The following APOL2 variants were observed in gnomAD, a reference collection of about 807,000 sequenced individuals.
APOL2 encodes apolipoprotein L, 2.
Under a neutral mutation model 7.1 loss-of-function variants are expected in APOL2, and 8 were observed. The ratio of observed to expected loss-of-function variants is 1.12; its 90% CI spans 0.66 to 2.03. APOL2 has a LOEUF of 2.03. Among genes scored for constraint, APOL2 ranks in the 30% most tolerant of loss-of-function variants. The pLI, the probability that APOL2 is intolerant of heterozygous loss-of-function variation, is 0.00. For synonymous variants in APOL2, 177 were observed against 159.9 expected (o/e 1.11, Z -0.81); for missense variants, 471 against 415.1 (o/e 1.13, Z -1.17).
At chr22:36,230,714 G>T (rs1281934988) in intron 4 of APOL2, among the ~76,000 whole-genome samples, 1 of 152,092 alleles carries the variant, frequency 6.6e-6, no homozygotes, top group African/African-American at 2.4e-5. Context: ...ACAGAAGACA[G>T]TTCCAAGTCT....
At position 36,227,891 on chromosome 22, in the gene APOL2, C is replaced by T. The variant is rs760443911; in HGVS notation, c.527G>A (p.Arg176Gln). 1.2e-5 allele frequency: 20 copies of T among 1,614,072 alleles called. No homozygotes were observed. The highest frequency in any genetic ancestry group is 2.7e-5 in the African/African-American group (2 of 74,922). Residue 176 changes from arginine (R) to glutamine (Q), a missense_variant, in exon 5 of 5, where the codon CGG becomes CAG. Physicochemically the swap from Arg to Gln is conservative, Grantham distance 43 (BLOSUM62 1). Transcript: ENST00000358502. Reference sequence around the variant, plus strand: ...CAAGTTGCGGGCTTGGGCTCGTGCCCGCAATTTGTTTACTAGTTCTACCAC... The same window carrying T: ...CAAGTTGCGGGCTTGGGCTCGTGCCTGCAATTTGTTTACTAGTTCTACCAC... ...CSVVELVNKL[R>Q]ARAQARNLDQ...
intron 1 of APOL2, chr22:36,237,115 T>G (rs753647835): frequency 6.5e-7 from 1 of 1,533,954 alleles, no homozygotes; most frequent in Non-Finnish European, 8.8e-7. Context: ...TGGGTCATTG[T>G]TGGCCTGGCT....
At chr22:36,233,505 C>T in intron 1 of APOL2, 50 bp from the exon 2 acceptor site, 2 of 1,476,388 alleles carry the variant, frequency 1.4e-6, no homozygotes, top group Non-Finnish European at 1.8e-6. Flanking sequence ...GCCATCTGAT[C>T]ATTACAGAAA....
chr22:36,229,941 A>C (rs896789339), intron 4 of APOL2, among the ~76,000 whole-genome samples: 3 of 151,998 alleles, frequency 2.0e-5, no homozygotes, highest in Non-Finnish European at 2.9e-5. Context: ...CAGCCACCTT[A>C]CTGCCTCCTG....
chr22:36,232,789 A>G (rs1257707954), intron 3 of APOL2, among the ~76,000 whole-genome samples: 2 of 152,054 alleles, frequency 1.3e-5, no homozygotes, highest in Non-Finnish European at 2.9e-5. Flanking sequence ...ATAAGAGATC[A>G]GGGCTGCAGG....
rs1453556494 is a variant in APOL2, at chr22:36,228,047, C to A, written c.371G>T (p.Gly124Val). ...GAGGGTCAGGATGCCAGAGGTAGTGCCAACAGAGTTGGACACCACATTGGC... is the reference window on the plus strand; with the variant it reads ...GAGGGTCAGGATGCCAGAGGTAGTGACAACAGAGTTGGACACCACATTGGC... ...TIANVVSNSV[G>V]TTSGILTLLG... The change falls in exon 5 of 5, where the codon GGC (glycine) becomes GTC (valine). Residue 124 changes from glycine to valine, a missense_variant. Physicochemically the swap from Gly to Val is moderately radical, Grantham distance 109. Coordinates refer to ENST00000358502, the MANE Select transcript of APOL2 (RefSeq NM_030882.4). 1 of 1,614,096 alleles carries A rather than the reference C, an allele frequency of 6.2e-7. No individual in the cohort carries two copies. The highest frequency in any genetic ancestry group is 1.3e-5 in the African/African-American group (1 of 74,932).
rs369772809 is a variant in APOL2 at position 36,232,343 on chromosome 22, C to T, written c.10+810G>A. 1.3e-4 allele frequency among the ~76,000 whole-genome samples: 20 copies of T among 152,302 alleles called. 1 individual carries two copies. Among genetic ancestry groups the T allele is most frequent in the Non-Finnish European group, 2.5e-4 (17 of 68,028 alleles). Reference sequence around the variant, plus strand: ...TGAGGCCCTGCCTGAGGCAGTCATCCCTGGTCAGCAGGTGCTTGTGATGGG... The same window carrying T: ...TGAGGCCCTGCCTGAGGCAGTCATCTCTGGTCAGCAGGTGCTTGTGATGGG... On this transcript the variant is annotated intron_variant, in intron 3 of 4. Transcript: ENST00000358502.
upstream of APOL2, chr22:36,239,537 C>T (rs532955652): frequency 2.6e-5 from 41 of 1,577,520 alleles, 1 homozygote; most frequent in South Asian, 3.2e-4. Flanking sequence ...TAACCAGACA[C>T]GTCCTCCGGC....
intron 1 of APOL2, among the ~76,000 whole-genome samples, chr22:36,238,456 G>A (rs988675219): frequency 6.6e-6 from 1 of 151,906 alleles, no homozygotes; most frequent in Non-Finnish European, 1.5e-5. Context: ...GGCTGGGAGG[G>A]GAGGTGACTT....
rs1052072040 is a variant in APOL2, at chr22:36,228,346, G to C, written c.138-66C>G. On this transcript the variant is annotated intron_variant, in intron 4 of 4. Transcript: ENST00000358502. ...CCTATCTGTGAAATGAGCTCCATGC[G>C]ATCTCTATCCTGTGTAAATTGCAGA... is the stretch of plus-strand genomic sequence containing the variant. 2.6e-6 allele frequency: 4 copies of C among 1,536,722 alleles called. No individual in the cohort carries two copies. In the South Asian group the frequency reaches 5.1e-5, roughly 20 times the overall value.
At chr22:36,233,337 T>C in intron 2 of APOL2, 65 bp downstream of exon 2, 3 of 1,578,816 alleles carry the variant, frequency 1.9e-6, no homozygotes, top group Non-Finnish European at 2.6e-6. Context: ...CCCTCTGTGG[T>C]AGCAGCAAAT....
Position 36,228,168 on chromosome 22 carries a change from C to A in APOL2, c.250G>T (p.Glu84Ter), listed in dbSNP as rs1195150860. Reference sequence around the variant, plus strand: ...AGCTCCCTTTTCAACCGAGGAAACTCTTTCAAAAACCACTGCCTGTGCTGC... The same window carrying A: ...AGCTCCCTTTTCAACCGAGGAAACTATTTCAAAAACCACTGCCTGTGCTGC... ...DQQHRQWFLK[E>*]FPRLKRELED... The change falls in exon 5 of 5, where the codon GAG (glutamate) becomes TAG (stop). Residue 84 changes from glutamate (E) to a stop codon, truncating the protein, a stop_gained. Transcript: ENST00000358502. LOFTEE classifies it low-confidence loss of function (END_TRUNC). 1 of 1,614,224 alleles carries A rather than the reference C, an allele frequency of 6.2e-7. No individual in the cohort carries two copies. The highest frequency in any genetic ancestry group is 8.5e-7 in the Non-Finnish European group (1 of 1,180,036).
In APOL2 at chr22:36,227,988, T is replaced by A. The variant is rs754900353; in HGVS notation, c.430A>T (p.Ile144Phe). ...GLGLAPFTEG[I>F]SFVLLDTGMG... ...CCAGTGTCCAAGAGCACAAAACTGA[T>A]TCCTTCTGTGAAGGGTGCCAGACCC... The change falls in exon 5 of 5, where the codon ATC becomes TTC. Residue 144 changes from isoleucine (I) to phenylalanine (F), a missense_variant. Transcript: ENST00000358502. 1 of 1,614,182 alleles carries A rather than the reference T, an allele frequency of 6.2e-7. No homozygotes were observed. Among genetic ancestry groups the A allele is most frequent in the Non-Finnish European group, 8.5e-7 (1 of 1,180,012 alleles).
chr22:36,229,336 T>C (rs1322723823), intron 4 of APOL2, among the ~76,000 whole-genome samples: 1 of 152,160 alleles, frequency 6.6e-6, no homozygotes, highest in African/African-American at 2.4e-5. Context: ...TTTACTATAT[T>C]TGGAGCTGGG....
intron 4 of APOL2, among the ~76,000 whole-genome samples, chr22:36,231,046 A>C (rs1351729100): frequency 6.6e-6 from 1 of 152,158 alleles, no homozygotes; most frequent in African/African-American, 2.4e-5. Context: ...TCATAATAAA[A>C]CTCCATTGAT....
chr22:36,231,066 C>T (rs2015206273), intron 4 of APOL2, among the ~76,000 whole-genome samples: 2 of 152,220 alleles, frequency 1.3e-5, no homozygotes, highest in Non-Finnish European at 2.9e-5. Flanking sequence ...TGAAGAAAGG[C>T]TGAAAGTGAG....
chr22:36,228,114 G>C lies in APOL2; in HGVS notation c.304C>G (p.Leu102Val). 1 of 1,614,222 alleles carries C rather than the reference G, an allele frequency of 6.2e-7. No individual in the cohort carries two copies. Among genetic ancestry groups the C allele is most frequent in the Middle Eastern group, 1.6e-4 (1 of 6,062 alleles). ...LEDHIRKLRALAEEVEQVHRG... is the reference protein window; with the variant it reads ...LEDHIRKLRAVAEEVEQVHRG... ...TGGACCTGCTCAACCTCCTCTGCAA[G>C]GGCACGGAGCTTCCTTATGTGATCC... is the stretch of plus-strand genomic sequence containing the variant. Residue 102 changes from leucine (L) to valine (V), a missense_variant, in exon 5 of 5, where the codon CTT becomes GTT. By Grantham distance (32) the Leu-to-Val change is conservative. Transcript: ENST00000358502.
At position 36,227,294 on chromosome 22, in the gene APOL2, C is replaced by A; in HGVS notation, c.*110G>T. ...TTGAGCCACTGCACTCCATCCTGGG[C>A]GATAGAGCGAGACTCCATCTCAAAA... is the stretch of plus-strand genomic sequence containing the variant. On this transcript the variant is annotated 3_prime_UTR_variant, in exon 5 of 5. Coordinates refer to ENST00000358502, the MANE Select transcript of APOL2 (RefSeq NM_030882.4). 4.5e-6 allele frequency: 6 copies of A among 1,327,098 alleles called. No homozygotes were observed. Among genetic ancestry groups the A allele is most frequent in the East Asian group, 2.5e-5 (1 of 40,640 alleles). The allele number at this position is 1,327,098 out of a possible 1,614,324, so 82.2% of individuals were successfully genotyped here. A position where few individuals can be genotyped will look rare whatever the true frequency, so the allele number is the denominator to read the frequency against.
rs760510890 is a variant in APOL2 at position 36,231,381 on chromosome 22, A to G, written c.96T>C (p.Asp32=). The change falls in exon 4 of 5, where the codon GAT becomes GAC. Residue 32 remains aspartate, a synonymous_variant. Coordinates refer to ENST00000358502, the MANE Select transcript of APOL2 (RefSeq NM_030882.4). ...CAGCCACGAATCCATTCCAGGCTTC[A>G]TCATCAGTCAGCAGTTGTAGCAGAT... The part of the protein sequence containing the change: ...RENLLQLLTD[D]EAWNGFVAAA... The G allele has an allele frequency of 6.2e-7, 1 of 1,614,076 alleles. No homozygotes were observed.
Sources: allele counts gnomAD v4.1 joint callset (sites outside exome capture counted in the v4.1 genomes callset), GRCh38; gene constraint gnomAD v4.1.1; transcripts MANE v1.5; gene names NCBI Gene and HGNC (gene_info 2026-07-23, HGNC 2026-07-21).